TESC: variants seen among roughly 807,000 people sequenced by gnomAD.
TESC encodes the protein tescalcin.
A neutral mutation model predicts 31.0 loss-of-function variants in TESC; 19 were observed. That is an observed-to-expected ratio of 0.61 (90% CI 0.43 to 0.90). The LOEUF (loss-of-function observed/expected upper bound fraction) is 0.90. TESC is among the 40% of genes least tolerant of loss of function. The probability of loss-of-function intolerance (pLI) is 0.00; values close to 1 mark genes in which losing one functional copy is unlikely to be tolerated. For synonymous variants in TESC, 109 were observed against 114.8 expected (o/e 0.95, Z 0.32); for missense variants, 248 against 303.8 (o/e 0.82, Z 1.36).
At chr12:117,086,237 T>A (rs1210235276) in intron 1 of TESC, among the ~76,000 whole-genome samples, 1 of 152,094 alleles carries the variant, frequency 6.6e-6, no homozygotes, top group Non-Finnish European at 1.5e-5. Flanking sequence ...TCATTGTGAA[T>A]GTACTTAATG....
At chr12:117,040,623 G>A (rs150708539) in intron 7 of TESC, among the ~76,000 whole-genome samples, 2 of 152,192 alleles carry the variant, frequency 1.3e-5, no homozygotes, top group African/African-American at 4.8e-5. Context: ...CCCAGCATAG[G>A]CCAGAGTGAG....
chr12:117,092,791 C>G (rs1269225721), intron 1 of TESC, among the ~76,000 whole-genome samples: 1 of 152,212 alleles, frequency 6.6e-6, no homozygotes, highest in Admixed American at 6.5e-5. Context: ...GCAGGGCCAT[C>G]TCAAAAACAA....
At chr12:117,069,648 T>A (rs1954937872) in intron 2 of TESC, among the ~76,000 whole-genome samples, 1 of 152,156 alleles carries the variant, frequency 6.6e-6, no homozygotes, top group African/African-American at 2.4e-5. Flanking sequence ...CCCCTAGATG[T>A]CCTCAGATGA....
At chr12:117,073,955 G>A (rs541894599) in intron 2 of TESC, among the ~76,000 whole-genome samples, 15 of 152,056 alleles carry the variant, frequency 9.9e-5, no homozygotes, top group African/African-American at 7.2e-5. Flanking sequence ...CTGGTGCAGC[G>A]GTACACACCT....
intron 1 of TESC, among the ~76,000 whole-genome samples, chr12:117,075,757 T>A (rs537594623): frequency 6.7e-6 from 1 of 149,524 alleles, no homozygotes; most frequent in Non-Finnish European, 1.5e-5. Flanking sequence ...CTCCACCTCC[T>A]GGGCTCCAGA....
rs1954564979 is a variant in TESC, at chr12:117,046,596, G to A, written c.482C>T (p.Ala161Val). The A allele has an allele frequency of 1.3e-6, 2 of 1,551,140 alleles. No individual in the cohort carries two copies. The highest frequency in any genetic ancestry group is 2.7e-5 in the African/African-American group (2 of 73,062). ...GCACACGCTGGCCGCCTCCATCATGGCCCCGTCGGCGATGGAGCGAGCGGA... is the reference window on the plus strand; with the variant it reads ...GCACACGCTGGCCGCCTCCATCATGACCCCGTCGGCGATGGAGCGAGCGGA... ...KESARSIADGAMMEAASVCMG... is the reference protein window; with the variant it reads ...KESARSIADGVMMEAASVCMG... Residue 161 changes from alanine to valine, a missense_variant, in exon 6 of 8, where the codon GCC becomes GTC. Coordinates refer to ENST00000335209, the MANE Select transcript of TESC (RefSeq NM_017899.4).
intron 1 of TESC, chr12:117,098,494 C>T (rs1357930832): frequency 6.6e-6 from 1 of 152,322 alleles, no homozygotes; most frequent in Non-Finnish European, 1.5e-5. Context: ...CCCGGCTGAA[C>T]TCGGGCAGAG....
chr12:117,052,751 C>A lies in TESC; in HGVS notation c.210-3593G>T, dbSNP rs182430292. Among the ~76,000 whole-genome samples, 597 of 152,196 alleles carry A rather than the reference C, an allele frequency of 3.9e-3. 2 individuals are homozygous for A. Among genetic ancestry groups the A allele is most frequent in the African/African-American group, 0.013 (534 of 41,512 alleles). On this transcript the variant is annotated intron_variant, in intron 3 of 7. Coordinates refer to ENST00000335209, the MANE Select transcript of TESC (RefSeq NM_017899.4). ...CAGACCCGGAGTCTCCTGGATGCCC[C>A]CCCACACCCAACCCACCCCCAGGCT...
At chr12:117,057,122 G>T (rs12297748) in intron 2 of TESC, among the ~76,000 whole-genome samples, 4,363 of 152,172 alleles carry the variant, frequency 0.029, 164 homozygotes, top group South Asian at 0.12. Flanking sequence ...TCTTTTTTGA[G>T]ATAGAGTCTC....
At chr12:117,093,943 G>T (rs566366185) in intron 1 of TESC, among the ~76,000 whole-genome samples, 3 of 152,144 alleles carry the variant, frequency 2.0e-5, no homozygotes, top group East Asian at 1.9e-4. Context: ...AGACACGGAT[G>T]GGGGGGACAG....
At chr12:117,091,952 G>A (rs1955317330) in intron 1 of TESC, among the ~76,000 whole-genome samples, 2 of 152,326 alleles carry the variant, frequency 1.3e-5, no homozygotes, top group South Asian at 2.1e-4. Context: ...GCATGCGGGA[G>A]AGGCGGTTTC....
chr12:117,056,532 T>A (rs1954727062), intron 3 of TESC, among the ~76,000 whole-genome samples: 1 of 152,214 alleles, frequency 6.6e-6, no homozygotes, highest in African/African-American at 2.4e-5. Flanking sequence ...ACCACCATGC[T>A]TGGCTATTGT....
At chr12:117,096,135 A>G (rs1422492019) in intron 1 of TESC, among the ~76,000 whole-genome samples, 1 of 152,208 alleles carries the variant, frequency 6.6e-6, no homozygotes, top group Non-Finnish European at 1.5e-5. Flanking sequence ...CATTATCACC[A>G]GCCTCAGCCT....
At chr12:117,049,284 T>C in intron 3 of TESC, 126 bp from the exon 4 acceptor site, 4 of 1,365,886 alleles carry the variant, frequency 2.9e-6, no homozygotes, top group Non-Finnish European at 4.0e-6. Context: ...TGCTCTCGCC[T>C]TGCGTCTGTG....
intron 2 of TESC, among the ~76,000 whole-genome samples, chr12:117,071,241 C>T (rs564567217): frequency 6.6e-6 from 1 of 152,248 alleles, no homozygotes; most frequent in African/African-American, 2.4e-5. Flanking sequence ...ATTCACTCAT[C>T]CCTTCACTTG....
At chr12:117,086,314 C>T (rs1434316507) in intron 1 of TESC, among the ~76,000 whole-genome samples, 1 of 151,992 alleles carries the variant, frequency 6.6e-6, no homozygotes, top group Non-Finnish European at 1.5e-5. Flanking sequence ...GTTGGCCAGG[C>T]TGGTCTCAAA....
intron 2 of TESC, among the ~76,000 whole-genome samples, chr12:117,068,102 C>T (rs1954912697): frequency 6.6e-6 from 1 of 152,146 alleles, no homozygotes; most frequent in Non-Finnish European, 1.5e-5. Flanking sequence ...CTGTGTTGCC[C>T]AGGCTCGTCC....
chr12:117,054,843 C>T (rs780536715), intron 3 of TESC, among the ~76,000 whole-genome samples: 12 of 152,206 alleles, frequency 7.9e-5, no homozygotes, highest in Non-Finnish European at 1.2e-4. Context: ...GCCATCTTTG[C>T]AGACATGGGG....
At chr12:117,096,964 A>G (rs1285181747) in intron 1 of TESC, among the ~76,000 whole-genome samples, 3 of 152,060 alleles carry the variant, frequency 2.0e-5, no homozygotes, top group African/African-American at 7.2e-5. Flanking sequence ...GGACCTCCGG[A>G]TCCACCCTAA....
Sources: allele counts gnomAD v4.1 joint callset (sites outside exome capture counted in the v4.1 genomes callset), GRCh38; gene constraint gnomAD v4.1.1; transcripts MANE v1.5; gene names NCBI Gene and HGNC (gene_info 2026-07-23, HGNC 2026-07-21).